The following RDH10 variants were observed in gnomAD, a reference collection of about 807,000 sequenced individuals.
RDH10 encodes the protein retinol dehydrogenase 10 (all-trans).
Under a neutral mutation model 30.2 loss-of-function variants are expected in RDH10, and 12 were observed. The ratio of observed to expected loss-of-function variants is 0.40; its 90% CI spans 0.25 to 0.64. The LOEUF is 0.64. Among genes scored for constraint, RDH10 ranks in the 30% least tolerant of loss-of-function variants. The probability of loss-of-function intolerance (pLI) is 0.43; values close to 1 mark genes in which losing one functional copy is unlikely to be tolerated. For synonymous variants in RDH10, 189 were observed against 172.2 expected, an observed-to-expected ratio of 1.10 and a Z score of -0.76; for missense variants, 268 against 445.2, an observed-to-expected ratio of 0.60 and a Z score of 3.58.
In RDH10 at chr8:73,295,070, G is replaced by T. The variant is rs1814232298; in HGVS notation, c.-220G>T. ...CCGGGTGACTGCCGCGGCGGGCACA[G>T]TCCGGGGCCACAGCGCCGAGCCCGG... On this transcript the variant is annotated 5_prime_UTR_variant, in exon 1 of 6. Transcript: ENST00000240285. 12 of 341,502 alleles carry T rather than the reference G, an allele frequency of 3.5e-5. No individual in the cohort carries two copies. In the Admixed American group the frequency reaches 5.9e-4, roughly 17 times the overall value. The allele number at this position is 341,502 out of a possible 1,614,324, so 21.2% of individuals were successfully genotyped here.
chr8:73,295,093 C>T lies in RDH10; in HGVS notation c.-197C>T, dbSNP rs1032676472. ...CAGTCCGGGGCCACAGCGCCGAGCC[C>T]GGGCGGGAGTGGCCCCGCGCAGGCA... On this transcript the variant is annotated 5_prime_UTR_variant, in exon 1 of 6. Transcript: ENST00000240285. The T allele has an allele frequency of 1.4e-5, 5 of 366,988 alleles. No individual in the cohort carries two copies. Among genetic ancestry groups the T allele is most frequent in the African/African-American group, 8.6e-5 (4 of 46,506 alleles). 22.7% of individuals were successfully genotyped at this position (366,988 alleles called of 1,614,324 possible). A position where few individuals can be genotyped will look rare whatever the true frequency, so the allele number is the denominator to read the frequency against.
rs775855428 is a variant in RDH10 at position 73,319,119 on chromosome 8, G to A, written c.549G>A (p.Thr183=). The A allele has an allele frequency of 6.8e-6, 11 of 1,612,770 alleles. No homozygotes were observed. The highest frequency in any genetic ancestry group is 2.2e-5 in the East Asian group (1 of 44,878). Residue 183 remains threonine (T), a synonymous_variant, in exon 3 of 6, where the codon ACG becomes ACA. Coordinates refer to ENST00000240285, the MANE Select transcript of RDH10 (RefSeq NM_172037.5). ...AGACCACTAAGGCTTTTCTTCCTAC[G>A]ATGCTGGAGATTAATCATGGTCATA... ...HFWTTKAFLP[T]MLEINHGHIV...
chr8:73,313,533 C>G (rs1181585057), intron 2 of RDH10: 1 of 151,888 alleles, frequency 6.6e-6, no homozygotes, highest in East Asian at 1.9e-4. Context: ...ATCTTGTGAT[C>G]AAATTAATCA....
intron 2 of RDH10, among the ~76,000 whole-genome samples, chr8:73,300,692 T>C (rs1172238597): frequency 1.3e-5 from 2 of 152,242 alleles, no homozygotes; most frequent in Non-Finnish European, 2.9e-5. Flanking sequence ...TGAAAAGCTG[T>C]GGGCACTCCC....
chr8:73,320,687 G>C (rs1202439252), intron 3 of RDH10, among the ~76,000 whole-genome samples: 1 of 152,010 alleles, frequency 6.6e-6, no homozygotes, highest in Non-Finnish European at 1.5e-5. Context: ...GGCCAGGCTG[G>C]TCTCGAGCTC....
chr8:73,305,092 C>CT (rs1485479212), intron 2 of RDH10, among the ~76,000 whole-genome samples: 1 of 152,228 alleles, frequency 6.6e-6, no homozygotes, highest in East Asian at 1.9e-4. Flanking sequence ...AATGCTAACA[C>CT]TGACTGAATA....
At chr8:73,317,024 C>T (rs978903266) in intron 2 of RDH10, among the ~76,000 whole-genome samples, 1 of 152,178 alleles carries the variant, frequency 6.6e-6, no homozygotes, top group African/African-American at 2.4e-5. Flanking sequence ...ATCACTAGCT[C>T]TCCTCCACAG....
In RDH10 at chr8:73,294,668, C is replaced by G. The variant is rs1033320901; in HGVS notation, c.-622C>G. On this transcript the variant is annotated 5_prime_UTR_variant, in exon 1 of 6. Transcript: ENST00000240285. ...TGCGGAGCCCAGTGCCCGAGTGACA[C>G]CCGCGGAGAGTGCAGGGCCGGGGAA... 22 of 357,770 alleles carry G rather than the reference C, an allele frequency of 6.1e-5. No individual in the cohort carries two copies. The highest frequency in any genetic ancestry group is 4.3e-4 in the African/African-American group (20 of 47,014). The allele number at this position is 357,770 out of a possible 1,614,324, so 22.2% of individuals were successfully genotyped here.
At chr8:73,298,215 A>G (rs529634761) in intron 2 of RDH10, among the ~76,000 whole-genome samples, 2 of 152,160 alleles carry the variant, frequency 1.3e-5, no homozygotes, top group Non-Finnish European at 1.5e-5. Context: ...GACCCACTTT[A>G]TGCTCTTTTT....
At position 73,324,236 on chromosome 8, in the gene RDH10, GGAAGGGTGTAAAGATTCTTTT is replaced by G. The variant is rs1359220509; in HGVS notation, c.*1204_*1224del. 6.6e-6 allele frequency: 1 copy of G among 152,612 alleles called. No homozygotes were observed. Among genetic ancestry groups the G allele is most frequent in the African/African-American group, 2.4e-5 (1 of 41,458 alleles). 9.5% of individuals were successfully genotyped at this position (152,612 alleles called of 1,614,324 possible). A position where few individuals can be genotyped will look rare whatever the true frequency, so the allele number is the denominator to read the frequency against. The stretch of plus-strand genomic sequence containing the variant: ...AAATCTTATTCTATGGCATATGTAT[GGAAGGGTGTAAAGATTCTTTT>G]GAAAGGTTTATTCACATTGTAGAAC... On this transcript the variant is annotated 3_prime_UTR_variant, in exon 6 of 6. Transcript: ENST00000240285.
At position 73,295,307 on chromosome 8, in the gene RDH10, G is replaced by C. The variant is rs749230554; in HGVS notation, c.18G>C (p.Glu6Asp). The C allele has an allele frequency of 1.3e-6, 2 of 1,565,854 alleles. No homozygotes were observed. The highest frequency in any genetic ancestry group is 1.7e-6 in the Non-Finnish European group (2 of 1,157,830). The change falls in exon 1 of 6, where the codon GAG (glutamate) becomes GAC (aspartate). Residue 6 changes from glutamate (E) to aspartate (D), a missense_variant. Physicochemically the swap from Glu to Asp is conservative, Grantham distance 45 (BLOSUM62 2). This residue lies in a region of RDH10 where 44 missense variants were observed against 42.1 expected (regional missense o/e 1.04). Transcript: ENST00000240285. Reference protein sequence around the residue: MNIVVEFFVVTFKVLW... With the variant: MNIVVDFFVVTFKVLW... ...GCGTCGCGATGAACATCGTGGTGGAGTTCTTCGTGGTCACTTTCAAAGTGC... is the reference window on the plus strand; with the variant it reads ...GCGTCGCGATGAACATCGTGGTGGACTTCTTCGTGGTCACTTTCAAAGTGC...
At chr8:73,296,423 G>A (rs1814268242) in intron 1 of RDH10, among the ~76,000 whole-genome samples, 1 of 152,014 alleles carries the variant, frequency 6.6e-6, no homozygotes, top group South Asian at 2.1e-4. Context: ...CAAACTTATT[G>A]ATACCTGCGT....
At chr8:73,307,293 G>A (rs573724348) in intron 2 of RDH10, among the ~76,000 whole-genome samples, 21 of 152,232 alleles carry the variant, frequency 1.4e-4, no homozygotes, top group African/African-American at 4.6e-4. Flanking sequence ...GTGTTTTTGC[G>A]ACTTCTTTTC....
At chr8:73,312,913 A>G (rs188036175) in intron 2 of RDH10, 1 of 152,350 alleles carries the variant, frequency 6.6e-6, no homozygotes, top group Admixed American at 6.5e-5. Context: ...TTTCTTGATC[A>G]CAGGACAGTC....
chr8:73,303,291 T>C (rs1036418699), intron 2 of RDH10, among the ~76,000 whole-genome samples: 3 of 152,226 alleles, frequency 2.0e-5, no homozygotes, highest in Non-Finnish European at 2.9e-5. Context: ...TAGGTTCTTA[T>C]GTGATTTACT....
chr8:73,295,333 TC>T lies in RDH10; in HGVS notation c.45del (p.Trp16GlyfsTer112). The T allele has an allele frequency of 6.4e-7, 1 of 1,564,562 alleles. No individual in the cohort carries two copies. The highest frequency in any genetic ancestry group is 8.6e-7 in the Non-Finnish European group (1 of 1,156,232). The stretch of plus-strand genomic sequence containing the variant: ...TTCTTCGTGGTCACTTTCAAAGTGC[TC>T]TGGGCGTTCGTGCTGGCCGCGGCGC... ...VEFFVVTFKVLWAFVLAAARW... is the reference protein window; with the variant it reads ...VEFFVVTFKVXWAFVLAAARW... On this transcript the variant is annotated frameshift_variant, in exon 1 of 6. Coordinates refer to ENST00000240285, the MANE Select transcript of RDH10 (RefSeq NM_172037.5). LOFTEE classifies it high-confidence loss of function.
At chr8:73,296,965 T>C (rs371839741) in intron 1 of RDH10, 16 of 496,560 alleles carry the variant, frequency 3.2e-5, no homozygotes, top group African/African-American at 2.7e-4. Flanking sequence ...TTACATGACT[T>C]TCCCCTAAGC....
chr8:73,309,443 CTA>C (rs902932615), intron 2 of RDH10, among the ~76,000 whole-genome samples: 3 of 152,104 alleles, frequency 2.0e-5, no homozygotes, highest in Non-Finnish European at 2.9e-5. Context: ...GTGTCATCTT[CTA>C]TGACATTTCA....
In RDH10 at chr8:73,295,046, C is replaced by T. The variant is rs1814231626; in HGVS notation, c.-244C>T. The stretch of plus-strand genomic sequence containing the variant: ...CGGCTGCCGGCAGGAGGCGCCGAGC[C>T]GGGTGACTGCCGCGGCGGGCACAGT... On this transcript the variant is annotated 5_prime_UTR_variant, in exon 1 of 6. Transcript: ENST00000240285. 2.9e-6 allele frequency: 1 copy of T among 339,808 alleles called. No individual in the cohort carries two copies. The allele number at this position is 339,808 out of a possible 1,614,324, so 21.0% of individuals were successfully genotyped here. A position where few individuals can be genotyped will look rare whatever the true frequency, so the allele number is the denominator to read the frequency against.
Sources: allele counts gnomAD v4.1 joint callset (sites outside exome capture counted in the v4.1 genomes callset), GRCh38; gene constraint gnomAD v4.1.1; regional missense constraint gnomAD v4.1.1; transcripts MANE v1.5; gene names NCBI Gene and HGNC (gene_info 2026-07-23, HGNC 2026-07-21).